The following SYT1 variants were observed in gnomAD, a reference collection of about 807,000 sequenced individuals.
SYT1 encodes the protein synaptotagmin-1.
SYT1 carries 8 observed loss-of-function variants against 44.8 expected under a neutral mutation model. The observed-to-expected ratio is 0.18, with a 90% CI of 0.10 to 0.32. The LOEUF is 0.32. SYT1 is among the 10% of genes least tolerant of loss of function. The pLI, the probability that SYT1 is intolerant of heterozygous loss-of-function variation, is 1.00. For missense variants in SYT1, 286 were observed against 509.3 expected (o/e 0.56, Z 4.22); for synonymous variants, 154 against 188.8 (o/e 0.82, Z 1.51).
intron 3 of SYT1, among the ~76,000 whole-genome samples, chr12:79,179,528 TATAG>T (rs1252850741): frequency 5.7e-5 from 8 of 140,400 alleles, no homozygotes; most frequent in African/African-American, 1.9e-4. Flanking sequence ...TCTATATAGA[TATAG>T]ATATAGATAT....
At chr12:79,158,576 A>G (rs956798722) in intron 3 of SYT1, among the ~76,000 whole-genome samples, 2 of 152,022 alleles carry the variant, frequency 1.3e-5, no homozygotes, top group African/African-American at 4.8e-5. Flanking sequence ...TTTCAGGGGA[A>G]CCAGGAAATA....
At chr12:79,432,377 C>G (rs1167903850) in intron 9 of SYT1, among the ~76,000 whole-genome samples, 1 of 151,592 alleles carries the variant, frequency 6.6e-6, no homozygotes, top group South Asian at 2.1e-4. Context: ...CCCAACCCCA[C>G]AAGAGGCCCC....
chr12:79,149,765 T>C (rs1870150079), intron 3 of SYT1, among the ~76,000 whole-genome samples: 1 of 152,190 alleles, frequency 6.6e-6, no homozygotes, highest in Admixed American at 6.5e-5. Flanking sequence ...GAACTTCCCC[T>C]GTTAAAATGA....
At chr12:78,876,841 A>AATACGTATATT (rs1237974066) in intron 1 of SYT1, among the ~76,000 whole-genome samples, 1 of 27,442 alleles carries the variant, frequency 3.6e-5, no homozygotes, top group Non-Finnish European at 5.6e-5. Context: ...TATTATATAT[A>AATACGTATATT]ATATATATTA....
chr12:79,222,327 T>G (rs890119205), intron 4 of SYT1, among the ~76,000 whole-genome samples: 5 of 152,064 alleles, frequency 3.3e-5, no homozygotes, highest in African/African-American at 1.2e-4. Flanking sequence ...TCTGGATACT[T>G]ACATCTTTCT....
chr12:79,157,688 G>T (rs543986346), intron 3 of SYT1, among the ~76,000 whole-genome samples: 29 of 152,258 alleles, frequency 1.9e-4, no homozygotes, highest in Admixed American at 7.8e-4. Flanking sequence ...CACTGCCAGT[G>T]AAAGACTGGC....
At chr12:79,434,605 G>C (rs1290433970) in intron 9 of SYT1, among the ~76,000 whole-genome samples, 2 of 152,130 alleles carry the variant, frequency 1.3e-5, no homozygotes, top group Non-Finnish European at 2.9e-5. Flanking sequence ...CTTGCAGTTG[G>C]CAAAGAAACT....
chr12:79,080,554 C>T (rs1418153177), intron 3 of SYT1, among the ~76,000 whole-genome samples: 2 of 151,956 alleles, frequency 1.3e-5, no homozygotes, highest in African/African-American at 2.4e-5. Context: ...CATATAAATA[C>T]ATTTTCTTCA....
chr12:79,412,251 G>A (rs1056773592), intron 9 of SYT1, among the ~76,000 whole-genome samples: 5 of 152,244 alleles, frequency 3.3e-5, no homozygotes, highest in Non-Finnish European at 7.4e-5. Flanking sequence ...CTTAGGAGGA[G>A]CCAGCCACAT....
At chr12:78,932,801 T>C (rs938987429) in intron 1 of SYT1, among the ~76,000 whole-genome samples, 2 of 152,204 alleles carry the variant, frequency 1.3e-5, no homozygotes, top group African/African-American at 4.8e-5. Context: ...TTTTATTCAC[T>C]TGGATAAGAG....
intron 3 of SYT1, among the ~76,000 whole-genome samples, chr12:79,206,808 G>A (rs532251537): frequency 2.6e-5 from 4 of 152,212 alleles, no homozygotes; most frequent in Non-Finnish European, 5.9e-5. Flanking sequence ...TGATTACAAG[G>A]TGCAGATACT....
chr12:78,998,955 A>T (rs562554569), intron 2 of SYT1, among the ~76,000 whole-genome samples: 178 of 152,286 alleles, frequency 1.2e-3, no homozygotes, highest in Non-Finnish European at 2.1e-3. Context: ...TATCACACTG[A>T]TTACTGATCA....
intron 9 of SYT1, among the ~76,000 whole-genome samples, chr12:79,391,942 T>A (rs1884671880): frequency 7.3e-6 from 1 of 137,914 alleles, no homozygotes; most frequent in Non-Finnish European, 1.6e-5. Context: ...CAAATATCAA[T>A]CCATTGTTGA....
intron 9 of SYT1, among the ~76,000 whole-genome samples, chr12:79,387,738 A>G (rs887133524): frequency 6.6e-6 from 1 of 152,158 alleles, no homozygotes; most frequent in Non-Finnish European, 1.5e-5. Flanking sequence ...TTCTCTTTTA[A>G]TATGCATTCT....
chr12:79,328,385 T>C (rs1238972449), intron 8 of SYT1, among the ~76,000 whole-genome samples: 3 of 152,150 alleles, frequency 2.0e-5, no homozygotes, highest in African/African-American at 7.2e-5. Flanking sequence ...AAAACAGAGT[T>C]CATTTCTATT....
At chr12:79,169,952 G>A (rs187587988) in intron 3 of SYT1, among the ~76,000 whole-genome samples, 9 of 152,114 alleles carry the variant, frequency 5.9e-5, no homozygotes, top group Middle Eastern at 3.4e-3. Context: ...TGTGGTATTC[G>A]GTTTTCTGTT....
chr12:79,300,801 A>T (rs1394342566), intron 8 of SYT1, among the ~76,000 whole-genome samples: 35 of 137,702 alleles, frequency 2.5e-4, no homozygotes, highest in African/African-American at 9.4e-4. Flanking sequence ...ATATATATAT[A>T]TATATATATA....
intron 3 of SYT1, among the ~76,000 whole-genome samples, chr12:79,064,227 G>A (rs1398578836): frequency 6.6e-6 from 1 of 152,122 alleles, no homozygotes; most frequent in Non-Finnish European, 1.5e-5. Flanking sequence ...AGACAGGGAA[G>A]AAAAGACTGA....
At chr12:78,922,411 ATGT>A (rs964227060) in intron 1 of SYT1, among the ~76,000 whole-genome samples, 6 of 151,780 alleles carry the variant, frequency 4.0e-5, no homozygotes, top group African/African-American at 1.4e-4. Flanking sequence ...ATCATATAAA[ATGT>A]TGTTTATTAT....
Sources: gnomAD v4.1 joint callset for allele counts (sites outside exome capture counted in the v4.1 genomes callset) on GRCh38, gnomAD v4.1.1 for gene constraint, MANE v1.5 for transcripts, NCBI Gene and HGNC (gene_info 2026-07-23, HGNC 2026-07-21) for gene names.